ELFN2: variants seen among roughly 807,000 people sequenced by gnomAD.
ELFN2 encodes the protein extracellular leucine rich repeat and fibronectin type III domain containing 2, also known as protein phosphatase 1 regulatory subunit 29.
A neutral mutation model predicts 45.5 loss-of-function variants in ELFN2; 17 were observed. That is an observed-to-expected ratio of 0.37 (90% confidence interval 0.26 to 0.56). ELFN2 has a LOEUF of 0.56. Ranked by LOEUF, ELFN2 falls within the 20% of genes least tolerant of loss-of-function variation. ELFN2 has a pLI of 0.77. For synonymous variants in ELFN2, 550 were observed against 551.5 expected, an observed-to-expected ratio of 1.00 and a Z score of 0.04; for missense variants, 922 against 1,183.2, an observed-to-expected ratio of 0.78 and a Z score of 3.24.
rs554641576 is a variant in ELFN2 at position 37,423,139 on chromosome 22, G to A, written c.-614+4159C>T. 2.0e-5 allele frequency among the ~76,000 whole-genome samples: 3 copies of A among 152,262 alleles called. No individual in the cohort carries two copies. The East Asian group carries it at 5.8e-4, about 29-fold the overall frequency. On this transcript the variant is annotated intron_variant, in intron 1 of 2. Transcript: ENST00000402918. ...GGGCAACCTCCCCACTGTCACCCGG[G>A]GGAGCCCTCCAAGCGCTGCTGTTCG...
At chr22:37,343,535 G>A (rs529302675) in intron 1 of ELFN2, among the ~76,000 whole-genome samples, 121 of 151,958 alleles carry the variant, frequency 8.0e-4, no homozygotes, top group African/African-American at 2.8e-3. Flanking sequence ...CGCCTCCTCC[G>A]CCTCCACCTT....
rs1931546682 is a variant in ELFN2 at position 37,375,368 on chromosome 22, G to C, written c.167C>G (p.Thr56Ser). Residue 56 changes from threonine to serine, a missense_variant, in exon 3 of 3, where the codon ACC becomes AGC. By Grantham distance (58) the Thr-to-Ser change is moderately conservative. Transcript: ENST00000402918. Reference protein sequence around the residue: ...YETIPQHINSTVHDLRLNENK... With the variant: ...YETIPQHINSSVHDLRLNENK... ...CTCGTTGAGCCGCAGGTCGTGCACG[G>C]TGCTATTGATGTGCTGCGGGATGGT... 1 of 1,614,198 alleles carries C rather than the reference G, an allele frequency of 6.2e-7. No individual in the cohort carries two copies. The highest frequency in any genetic ancestry group is 2.2e-5 in the East Asian group (1 of 44,884).
rs1187466526 is a variant in ELFN2 at position 37,371,929 on chromosome 22, T to G, written c.*1143A>C. ...GGTGAGAAAGCCCTCCTTCCCCGGG[T>G]GGGCGGCTGAGATAGGAGCCGAGAT... On this transcript the variant is annotated 3_prime_UTR_variant, in exon 3 of 3. Transcript: ENST00000402918. This position sits in a 1 kb window ranked among gnomAD's most constrained non-coding sequence, Gnocchi z 6.4. 1 of 151,990 alleles carries G rather than the reference T, an allele frequency of 6.6e-6. No homozygotes were observed. The highest frequency in any genetic ancestry group is 1.5e-5 in the Non-Finnish European group (1 of 68,014). The allele number at this position is 151,990 out of a possible 1,614,324, so 9.4% of individuals were successfully genotyped here.
intron 1 of ELFN2, among the ~76,000 whole-genome samples, chr22:37,347,181 G>A (rs1930718107): frequency 6.6e-6 from 1 of 151,992 alleles, no homozygotes; most frequent in Non-Finnish European, 1.5e-5. Context: ...GTTTCAACAT[G>A]TTGGCCAGGC....
downstream of ELFN2, among the ~76,000 whole-genome samples, chr22:37,366,743 C>T (rs1469085454): frequency 6.6e-6 from 1 of 152,232 alleles, no homozygotes; most frequent in Admixed American, 6.5e-5. Flanking sequence ...AGTGAAACCT[C>T]CCTCACGAAG....
At chr22:37,384,677 CA>C (rs1931893387) in intron 2 of ELFN2, among the ~76,000 whole-genome samples, 1 of 26,800 alleles carries the variant, frequency 3.7e-5, no homozygotes. Context: ...CCCCGCTTCC[CA>C]CTCCCAACCC....
At chr22:37,427,110 G>C (rs1017212893) in intron 1 of ELFN2, 188 bp downstream of exon 1, 18 of 152,178 alleles carry the variant, frequency 1.2e-4, no homozygotes, top group Admixed American at 9.8e-4. Context: ...GGTCCCCCGG[G>C]GGTCTCACGG....
At chr22:37,425,066 A>G (rs1180318055) in intron 1 of ELFN2, among the ~76,000 whole-genome samples, 1 of 152,226 alleles carries the variant, frequency 6.6e-6, no homozygotes, top group Non-Finnish European at 1.5e-5. Flanking sequence ...CACAAAACAC[A>G]GAAAGCAGCA....
chr22:37,389,220 A>T (rs1932032944), intron 2 of ELFN2, among the ~76,000 whole-genome samples: 1 of 152,070 alleles, frequency 6.6e-6, no homozygotes, highest in Non-Finnish European at 1.5e-5. Context: ...GAGACAGAGC[A>T]GGACCAGCTG....
At chr22:37,405,973 C>T (rs1317333867) in intron 2 of ELFN2, among the ~76,000 whole-genome samples, 1 of 151,792 alleles carries the variant, frequency 6.6e-6, no homozygotes, top group East Asian at 1.9e-4. Flanking sequence ...CCTGTCTCCA[C>T]AAAAAAGTTT....
At chr22:37,409,413 C>G (rs75797416) in intron 2 of ELFN2, among the ~76,000 whole-genome samples, 1 of 152,318 alleles carries the variant, frequency 6.6e-6, no homozygotes, top group African/African-American at 2.4e-5. Flanking sequence ...CCTGGGTACT[C>G]TGTCCCCAGA....
intron 2 of ELFN2, among the ~76,000 whole-genome samples, chr22:37,389,322 CCTCT>C (rs1434478137): frequency 6.6e-6 from 1 of 152,078 alleles, no homozygotes; most frequent in African/African-American, 2.4e-5. Flanking sequence ...CCCCTCTCTC[CCTCT>C]CTAAGCTCAC....
intron 1 of ELFN2, among the ~76,000 whole-genome samples, chr22:37,360,509 G>T (rs1241098463): frequency 6.6e-6 from 1 of 152,236 alleles, no homozygotes; most frequent in Non-Finnish European, 1.5e-5. Context: ...TCGTCCCTCA[G>T]TGAAGTCCTC....
chr22:37,349,895 AG>A (rs1167537561), intron 1 of ELFN2, among the ~76,000 whole-genome samples: 1 of 151,210 alleles, frequency 6.6e-6, no homozygotes, highest in Non-Finnish European at 1.5e-5. Flanking sequence ...AAGGCCCAAA[AG>A]CCAGCGTTCC....
chr22:37,419,524 C>G (rs1447962506), intron 1 of ELFN2, among the ~76,000 whole-genome samples: 1 of 152,082 alleles, frequency 6.6e-6, no homozygotes, highest in African/African-American at 2.4e-5. Context: ...CTCCCCAACA[C>G]GCAGGCCCAC....
At chr22:37,363,439 T>C, downstream of ELFN2, among the ~76,000 whole-genome samples, 1 of 152,086 alleles carries the variant, frequency 6.6e-6, no homozygotes, top group East Asian at 1.9e-4. Flanking sequence ...TTCACCCCCC[T>C]GGGAACTCCT....
At chr22:37,361,639 A>AACTCAG (rs1276551885) in intron 1 of ELFN2, among the ~76,000 whole-genome samples, 1 of 152,064 alleles carries the variant, frequency 6.6e-6, no homozygotes, top group Non-Finnish European at 1.5e-5. Flanking sequence ...AGGCCCCATT[A>AACTCAG]ACTCAGAGCC....
chr22:37,387,591 G>A (rs865909942), intron 2 of ELFN2, among the ~76,000 whole-genome samples: 2 of 152,084 alleles, frequency 1.3e-5, no homozygotes, highest in South Asian at 2.1e-4. Flanking sequence ...CAGGCACAGC[G>A]CCTGACATGT....
chr22:37,363,429 T>G (rs917908552), downstream of ELFN2, among the ~76,000 whole-genome samples: 2 of 152,078 alleles, frequency 1.3e-5, no homozygotes, highest in Non-Finnish European at 2.9e-5. Context: ...CTGGAGGAGT[T>G]TCACCCCCCT....
Sources: allele counts gnomAD v4.1 joint callset (sites outside exome capture counted in the v4.1 genomes callset), GRCh38; gene constraint gnomAD v4.1.1; non-coding constraint Gnocchi (gnomAD v3.1); transcripts MANE v1.5; gene names NCBI Gene and HGNC (gene_info 2026-07-23, HGNC 2026-07-21).